The following TMEM71 variants were observed in gnomAD, a reference collection of about 807,000 sequenced individuals.
TMEM71 encodes the protein transmembrane protein 71.
TMEM71 carries 44 observed loss-of-function variants against 38.0 expected under a neutral mutation model. The observed-to-expected ratio is 1.16, with a 90% CI of 0.91 to 1.49. TMEM71 has a LOEUF of 1.49. Ranked by LOEUF, TMEM71 falls within the 40% of genes most tolerant of loss-of-function variation. TMEM71 has a pLI of 0.00. For missense variants in TMEM71, 367 were observed against 348.6 expected (o/e 1.05, Z -0.42); for synonymous variants, 133 against 122.5 (o/e 1.09, Z -0.56).
chr8:132,754,445 C>T (rs916110599), intron 3 of TMEM71, among the ~76,000 whole-genome samples: 6 of 152,146 alleles, frequency 3.9e-5, no homozygotes, highest in Admixed American at 6.5e-5. Context: ...TAGGTTTATA[C>T]CCTTGGTTTC....
At chr8:132,709,706 G>A (rs1373796827), downstream of TMEM71, among the ~76,000 whole-genome samples, 6 of 152,134 alleles carry the variant, frequency 3.9e-5, no homozygotes, top group African/African-American at 9.6e-5. Context: ...AAAAAGGCAA[G>A]GAAATAGATT....
downstream of TMEM71, among the ~76,000 whole-genome samples, chr8:132,707,884 A>G (rs573857404): frequency 3.3e-5 from 5 of 152,298 alleles, no homozygotes; most frequent in Admixed American, 3.3e-4. Flanking sequence ...TGCCTACATA[A>G]ACATGACATT....
At chr8:132,771,333 G>C in the TMEM71 span, among the ~76,000 whole-genome samples, 1 of 152,050 alleles carries the variant, frequency 6.6e-6, no homozygotes. Flanking sequence ...TCACTCTCTT[G>C]CTTCATGGTA....
intron 7 of TMEM71, among the ~76,000 whole-genome samples, chr8:132,716,184 A>G (rs1420170975): frequency 6.6e-6 from 1 of 152,312 alleles, no homozygotes. Flanking sequence ...CAGGCTTGGA[A>G]GCGCCTGCTC....
At position 132,714,178 on chromosome 8, in the gene TMEM71, A is replaced by G. The variant is rs774926325; in HGVS notation, c.790T>C (p.Cys264Arg). Residue 264 changes from cysteine (C) to arginine (R), a missense_variant, in exon 8 of 10, where the codon TGC becomes CGC. Transcript: ENST00000677595. ...CAAGCTACAGTTATCATCAATGAGC[A>G]TGTGAAGACACTGGCTAATATTTCT... The part of the protein sequence containing the change: ...MGEILASVFT[C>R]SLMITVAYVK... The G allele has an allele frequency of 2.5e-6, 4 of 1,612,826 alleles. No individual in the cohort carries two copies. The South Asian group carries it at 4.4e-5, about 18-fold the overall frequency.
intron 2 of TMEM71, 102 bp from the exon 3 acceptor site, chr8:132,757,396 A>T: frequency 1.3e-6 from 1 of 790,012 alleles, no homozygotes; most frequent in Non-Finnish European, 2.1e-6. Flanking sequence ...CAGTGGAGGC[A>T]TGTAAGAAGA....
intron 1 of TMEM71, among the ~76,000 whole-genome samples, chr8:132,759,834 A>G (rs548207247): frequency 2.0e-5 from 3 of 152,328 alleles, no homozygotes; most frequent in Admixed American, 6.5e-5. Context: ...CCCTATTAGG[A>G]AAATATAAAC....
intron 5 of TMEM71, among the ~76,000 whole-genome samples, chr8:132,734,452 C>A (rs1023713274): frequency 1.3e-5 from 2 of 152,168 alleles, no homozygotes; most frequent in Non-Finnish European, 2.9e-5. Context: ...CCCTTAACTA[C>A]AATCTGGGTA....
intron 5 of TMEM71, among the ~76,000 whole-genome samples, chr8:132,743,590 A>C (rs937124016): frequency 1.3e-5 from 2 of 152,102 alleles, no homozygotes; most frequent in Admixed American, 6.6e-5. Flanking sequence ...GTTTGAGTTC[A>C]CAACATTCCA....
upstream of TMEM71, among the ~76,000 whole-genome samples, chr8:132,765,408 G>A (rs1041362649): frequency 6.6e-6 from 1 of 152,214 alleles, no homozygotes; most frequent in Admixed American, 6.5e-5. Context: ...GTAGAGGAGA[G>A]GGTGTGGCTC....
Position 132,744,009 on chromosome 8 carries a change from C to T in TMEM71, c.487+2933G>A, listed in dbSNP as rs558176363. ...AAGTTTCCAAATGAGTCGAATTCCC[C>T]ATTATATCATATAATTTTTTTTCAT... On this transcript the variant is annotated intron_variant, in intron 5 of 9. Transcript: ENST00000677595. 8.5e-5 allele frequency among the ~76,000 whole-genome samples: 13 copies of T among 152,280 alleles called. No homozygotes were observed. In the South Asian group the frequency reaches 2.7e-3, roughly 32 times the overall value.
rs751399728 is a variant in TMEM71, at chr8:132,714,059, T to C, written c.815-7A>G. On this transcript the variant is annotated splice_polypyrimidine_tract_variant and splice_region_variant and intron_variant, in intron 8 of 9. Coordinates refer to ENST00000677595, the MANE Select transcript of TMEM71 (RefSeq NM_001382403.1). ...AGAAACAATGATTTCACATCTTGAG[T>C]GAAACAGAGAAAATATTTTAAAATC... is the stretch of plus-strand genomic sequence containing the variant. 1 of 1,613,892 alleles carries C rather than the reference T, an allele frequency of 6.2e-7. No homozygotes were observed. Among genetic ancestry groups the C allele is most frequent in the Non-Finnish European group, 8.5e-7 (1 of 1,179,900 alleles).
rs1038779696 is a variant in TMEM71 at position 132,710,164 on chromosome 8, C to T, written c.*803G>A. ...CCAAGTGTGGGGGGTGGAAAGGGAACATCTACAGCCCTTGAGTCAAGGCTC... is the reference window on the plus strand; with the variant it reads ...CCAAGTGTGGGGGGTGGAAAGGGAATATCTACAGCCCTTGAGTCAAGGCTC... On this transcript the variant is annotated 3_prime_UTR_variant, in exon 10 of 10. Coordinates refer to ENST00000677595, the MANE Select transcript of TMEM71 (RefSeq NM_001382403.1). 2 of 152,070 alleles carry T rather than the reference C, an allele frequency of 1.3e-5. No individual in the cohort carries two copies. Among genetic ancestry groups the T allele is most frequent in the Non-Finnish European group, 2.9e-5 (2 of 68,022 alleles). The allele number at this position is 152,070 out of a possible 1,614,324, so 9.4% of individuals were successfully genotyped here. A position where few individuals can be genotyped will look rare whatever the true frequency, so the allele number is the denominator to read the frequency against.
chr8:132,775,357 G>C, the TMEM71 span: 1 of 357,648 alleles, frequency 2.8e-6, no homozygotes, highest in Non-Finnish European at 5.0e-6. Context: ...CGTCGCGGGC[G>C]GCTGACGTCG....
At chr8:132,724,025 A>AGG (rs1462591568) in intron 6 of TMEM71, among the ~76,000 whole-genome samples, 1 of 152,192 alleles carries the variant, frequency 6.6e-6, no homozygotes, top group Non-Finnish European at 1.5e-5. Context: ...GGATTTTAAA[A>AGG]GGGGAGGGGG....
chr8:132,762,222 C>G (rs1352969168), upstream of TMEM71, among the ~76,000 whole-genome samples: 1 of 152,228 alleles, frequency 6.6e-6, no homozygotes, highest in Non-Finnish European at 1.5e-5. Context: ...CTCAAGGCTA[C>G]TCCTGGTCAC....
At chr8:132,746,049 C>G (rs1265371522) in intron 5 of TMEM71, among the ~76,000 whole-genome samples, 1 of 147,170 alleles carries the variant, frequency 6.8e-6, no homozygotes, top group Admixed American at 7.0e-5. Flanking sequence ...AAGGGTTGAA[C>G]AACTAACTGT....
In TMEM71 at chr8:132,710,672, T is replaced by C. The variant is rs564985930; in HGVS notation, c.*295A>G. On this transcript the variant is annotated 3_prime_UTR_variant, in exon 10 of 10. Transcript: ENST00000677595. ...CGAGAACCACTGCCTTAAAGAATCATAGGGGGACATTTATTCCAGGCGGTC... is the reference window on the plus strand; with the variant it reads ...CGAGAACCACTGCCTTAAAGAATCACAGGGGGACATTTATTCCAGGCGGTC... 157 of 540,464 alleles carry C rather than the reference T, an allele frequency of 2.9e-4. No homozygotes were observed. Among genetic ancestry groups the C allele is most frequent in the Admixed American group, 1.6e-3 (44 of 26,748 alleles). 33.5% of individuals were successfully genotyped at this position (540,464 alleles called of 1,614,324 possible).
At chr8:132,739,728 A>G (rs1414188129) in intron 5 of TMEM71, among the ~76,000 whole-genome samples, 1 of 152,304 alleles carries the variant, frequency 6.6e-6, no homozygotes, top group East Asian at 1.9e-4. Context: ...AGTTTTGGGG[A>G]TATTTAAACA....
Sources: allele counts gnomAD v4.1 joint callset (sites outside exome capture counted in the v4.1 genomes callset), GRCh38; gene constraint gnomAD v4.1.1; transcripts MANE v1.5; gene names NCBI Gene and HGNC (gene_info 2026-07-23, HGNC 2026-07-21).